ATOSA: variants seen among roughly 807,000 people sequenced by gnomAD.
ATOSA encodes atos homolog protein A.
At chr15:52,676,194 T>C in the ATOSA span, among the ~76,000 whole-genome samples, 1 of 152,200 alleles carries the variant, frequency 6.6e-6, no homozygotes, top group Non-Finnish European at 1.5e-5. Context: ...GTTTAAAAAG[T>C]TTCAATTATC....
the ATOSA span, among the ~76,000 whole-genome samples, chr15:52,630,510 C>T: frequency 2.0e-5 from 3 of 152,152 alleles, no homozygotes; most frequent in Non-Finnish European, 4.4e-5. Context: ...TATGATTTCA[C>T]ATTCAAAGGA....
At chr15:52,678,079 A>G in the ATOSA span, 3 of 1,603,982 alleles carry the variant, frequency 1.9e-6, no homozygotes, top group African/African-American at 1.3e-5. Context: ...TTCTTTCAAC[A>G]GGCTCGCCGC....
At chr15:52,664,370 T>C in the ATOSA span, among the ~76,000 whole-genome samples, 4 of 152,230 alleles carry the variant, frequency 2.6e-5, no homozygotes, top group Non-Finnish European at 5.9e-5. Context: ...GCGTGACAAC[T>C]TGTTTTCGTA....
chr15:52,610,190 G>T, the ATOSA span: 2 of 1,613,946 alleles, frequency 1.2e-6, no homozygotes, highest in African/African-American at 2.7e-5. Flanking sequence ...AGTTTATGTT[G>T]TTGAATTCTT....
At chr15:52,641,322 T>A in the ATOSA span, among the ~76,000 whole-genome samples, 1 of 152,242 alleles carries the variant, frequency 6.6e-6, no homozygotes, top group Non-Finnish European at 1.5e-5. Flanking sequence ...TTGACTTCAC[T>A]CTCTGTGTGA....
At chr15:52,709,617 A>G in the ATOSA span, 1 of 152,398 alleles carries the variant, frequency 6.6e-6, no homozygotes, top group Non-Finnish European at 1.5e-5. Flanking sequence ...CACCCCCTGC[A>G]CTTGCTAGCC....
chr15:52,608,723 T>G, the ATOSA span: 33 of 1,612,416 alleles, frequency 2.0e-5, no homozygotes, highest in South Asian at 3.5e-4. Flanking sequence ...AAACCTTCAT[T>G]ATCTTTATTG....
At chr15:52,613,614 A>AT in the ATOSA span, 2 of 1,470,536 alleles carry the variant, frequency 1.4e-6, no homozygotes, top group Non-Finnish European at 1.9e-6. Flanking sequence ...AATAAAGGTG[A>AT]TGATGAACAT....
chr15:52,692,961 T>G, the ATOSA span, among the ~76,000 whole-genome samples: 1 of 152,092 alleles, frequency 6.6e-6, no homozygotes, highest in African/African-American at 2.4e-5. Context: ...CAAAACTCTC[T>G]TACAGAGCAT....
At chr15:52,651,754 TC>T in the ATOSA span, 1 of 993,072 alleles carries the variant, frequency 1.0e-6, no homozygotes, top group Non-Finnish European at 1.5e-6. Context: ...GAGATAATTT[TC>T]CTAGACCTAT....
At chr15:52,590,710 G>A in the ATOSA span, 1 of 152,088 alleles carries the variant, frequency 6.6e-6, no homozygotes, top group Non-Finnish European at 1.5e-5. Flanking sequence ...TATTCCCTGA[G>A]GAACAAAATT....
the ATOSA span, among the ~76,000 whole-genome samples, chr15:52,662,641 G>A: frequency 2.0e-3 from 305 of 151,186 alleles, no homozygotes; most frequent in Middle Eastern, 0.01. Context: ...ACGGTGGCGG[G>A]TGCCTGTAGT....
At chr15:52,593,363 A>G in the ATOSA span, 2 of 487,874 alleles carry the variant, frequency 4.1e-6, no homozygotes, top group Non-Finnish European at 3.7e-6. Context: ...ACAAAGAGAA[A>G]TAAGTACATT....
chr15:52,586,959 CTT>C, the ATOSA span: 3 of 1,148,398 alleles, frequency 2.6e-6, no homozygotes, highest in Non-Finnish European at 3.5e-6. Context: ...CCTTGATTAG[CTT>C]ATTAATGCTT....
the ATOSA span, chr15:52,600,102 A>G: frequency 7.6e-7 from 1 of 1,307,294 alleles, no homozygotes; most frequent in South Asian, 1.2e-5. Flanking sequence ...ATTTTCATTT[A>G]AAGAACAGTT....
chr15:52,684,533 T>C, the ATOSA span, among the ~76,000 whole-genome samples: 1 of 152,228 alleles, frequency 6.6e-6, no homozygotes, highest in African/African-American at 2.4e-5. Flanking sequence ...CAAGATCCTG[T>C]TACTAAAGAC....
chr15:52,634,153 C>T, the ATOSA span, among the ~76,000 whole-genome samples: 2 of 152,028 alleles, frequency 1.3e-5, no homozygotes, highest in Non-Finnish European at 2.9e-5. Context: ...GAAAAAGGGG[C>T]CAGGCATGGT....
At chr15:52,698,608 G>T in the ATOSA span, among the ~76,000 whole-genome samples, 1 of 152,180 alleles carries the variant, frequency 6.6e-6, no homozygotes, top group Non-Finnish European at 1.5e-5. Flanking sequence ...ACTGAAAGAA[G>T]TCAGACACAA....
chr15:52,608,582 T>G, the ATOSA span: 1 of 1,575,384 alleles, frequency 6.3e-7, no homozygotes, highest in Non-Finnish European at 8.6e-7. Flanking sequence ...ACCTCTGTAT[T>G]TTTTGGTTGC....
Sources: gnomAD v4.1 joint callset for allele counts (sites outside exome capture counted in the v4.1 genomes callset) on GRCh38, gnomAD v4.1.1 for gene constraint, MANE v1.5 for transcripts, NCBI Gene and HGNC (gene_info 2026-07-23, HGNC 2026-07-21) for gene names.